DCC: variants seen among roughly 807,000 people sequenced by gnomAD.
DCC encodes the protein DCC netrin 1 receptor, also known as netrin receptor DCC.
Under a neutral mutation model 172.5 loss-of-function variants are expected in DCC, and 58 were observed. The ratio of observed to expected loss-of-function variants is 0.34; its 90% CI spans 0.27 to 0.42. The LOEUF (loss-of-function observed/expected upper bound fraction) is 0.42. Among genes scored for constraint, DCC ranks in the 10% least tolerant of loss-of-function variants. The pLI is 1.00. For synonymous variants in DCC, 709 were observed against 644.5 expected (o/e 1.10, Z -1.52); for missense variants, 1,740 against 1,791.0 (o/e 0.97, Z 0.51).
intron 7 of DCC, among the ~76,000 whole-genome samples, chr18:53,090,732 A>AAAAAAAAAAAAAAAAAAAAAAAAAAAT (rs1568298492): frequency 5.4e-5 from 7 of 129,152 alleles, no homozygotes; most frequent in Non-Finnish European, 1.2e-4. Context: ...AAAAAAAAAA[A>AAAAAAAAAAAAAAAAAAAAAAAAAAAT]AAGAATGTAT....
intron 27 of DCC, among the ~76,000 whole-genome samples, chr18:53,511,333 C>T (rs1472380892): frequency 6.6e-6 from 1 of 152,204 alleles, no homozygotes; most frequent in Non-Finnish European, 1.5e-5. Flanking sequence ...CAAGAATATT[C>T]GACCTGCTAG....
chr18:53,216,460 A>G (rs2055851471), intron 12 of DCC, among the ~76,000 whole-genome samples: 1 of 152,184 alleles, frequency 6.6e-6, no homozygotes. Context: ...CTCTTTTCAT[A>G]ACTATTTGGT....
At chr18:52,970,391 C>T (rs191666241) in intron 5 of DCC, among the ~76,000 whole-genome samples, 5 of 151,924 alleles carry the variant, frequency 3.3e-5, no homozygotes, top group Non-Finnish European at 7.4e-5. Flanking sequence ...AGTGGAGAAG[C>T]CTATTTTCAG....
intron 12 of DCC, among the ~76,000 whole-genome samples, chr18:53,265,845 C>T (rs1191817687): frequency 6.6e-6 from 1 of 152,184 alleles, no homozygotes; most frequent in Non-Finnish European, 1.5e-5. Context: ...CTACTATCCC[C>T]TGAAGTTTAC....
intron 1 of DCC, among the ~76,000 whole-genome samples, chr18:52,355,897 A>C (rs1984341027): frequency 6.6e-6 from 1 of 152,100 alleles, no homozygotes; most frequent in African/African-American, 2.4e-5. Flanking sequence ...TGGGGACCTT[A>C]CCCACATAGG....
chr18:52,436,581 T>C (rs1022527748), intron 1 of DCC, among the ~76,000 whole-genome samples: 2 of 152,196 alleles, frequency 1.3e-5, no homozygotes, highest in African/African-American at 4.8e-5. Context: ...CATTAAAATA[T>C]GGAATATTCT....
intron 15 of DCC, among the ~76,000 whole-genome samples, chr18:53,363,678 C>T (rs2057972724): frequency 6.6e-6 from 1 of 152,156 alleles, no homozygotes; most frequent in Admixed American, 6.6e-5. Flanking sequence ...GATAAATTCC[C>T]TACCTCAGCT....
At chr18:52,651,205 C>G (rs778630182) in intron 1 of DCC, among the ~76,000 whole-genome samples, 25 of 152,062 alleles carry the variant, frequency 1.6e-4, no homozygotes, top group Non-Finnish European at 3.4e-4. Flanking sequence ...CTCTGTTGGC[C>G]AAGCTGGAGT....
At chr18:52,838,165 C>G (rs1440803929) in intron 2 of DCC, among the ~76,000 whole-genome samples, 1 of 138,648 alleles carries the variant, frequency 7.2e-6, no homozygotes, top group East Asian at 2.0e-4. Flanking sequence ...TGTTCATCTA[C>G]AATTTTGAAG....
At chr18:53,167,384 A>T (rs546610900) in intron 8 of DCC, among the ~76,000 whole-genome samples, 1 of 152,158 alleles carries the variant, frequency 6.6e-6, no homozygotes, top group Non-Finnish European at 1.5e-5. Flanking sequence ...TTTATTCCTA[A>T]TGAAGAGTAT....
At chr18:52,842,157 GC>G (rs1793348327) in intron 2 of DCC, among the ~76,000 whole-genome samples, 1 of 152,060 alleles carries the variant, frequency 6.6e-6, no homozygotes, top group Non-Finnish European at 1.5e-5. Flanking sequence ...AAATACCATT[GC>G]TTCCTTTCAA....
chr18:53,381,752 A>G (rs961426917), intron 15 of DCC, among the ~76,000 whole-genome samples: 23 of 152,164 alleles, frequency 1.5e-4, no homozygotes, highest in African/African-American at 5.3e-4. Context: ...GCTTGGATTC[A>G]GTCCAGAGAG....
intron 25 of DCC, among the ~76,000 whole-genome samples, chr18:53,470,487 A>G (rs149955953): frequency 5.1e-4 from 78 of 152,236 alleles, no homozygotes; most frequent in African/African-American, 1.8e-3. Flanking sequence ...TTCCAAAGTC[A>G]CATCCACATT....
At chr18:53,496,590 A>G (rs1355371186) in intron 26 of DCC, among the ~76,000 whole-genome samples, 1 of 152,192 alleles carries the variant, frequency 6.6e-6, no homozygotes, top group African/African-American at 2.4e-5. Flanking sequence ...CATGGGAACA[A>G]AACTGGACAG....
chr18:52,381,390 A>G (rs1985577977), intron 1 of DCC, among the ~76,000 whole-genome samples: 2 of 152,228 alleles, frequency 1.3e-5, no homozygotes, highest in South Asian at 4.1e-4. Context: ...CAAATAATAC[A>G]CTATTTCTAA....
At chr18:52,776,024 C>A (rs11082944) in intron 2 of DCC, among the ~76,000 whole-genome samples, 86,891 of 152,024 alleles carry the variant, frequency 0.57, 28,184 homozygotes, top group East Asian at 0.86. Flanking sequence ...CACACTACAG[C>A]AGAGTTGGAT....
intron 1 of DCC, among the ~76,000 whole-genome samples, chr18:52,732,351 C>T (rs998942793): frequency 6.6e-6 from 1 of 152,116 alleles, no homozygotes; most frequent in Non-Finnish European, 1.5e-5. Context: ...GTAAAGAATT[C>T]TAAAATAATC....
chr18:53,456,483 C>T (rs1292838961), intron 23 of DCC, among the ~76,000 whole-genome samples: 1 of 152,040 alleles, frequency 6.6e-6, no homozygotes, highest in East Asian at 1.9e-4. Context: ...GCAGAGGGGC[C>T]AAACATGAAA....
chr18:52,943,088 T>A (rs538419622), intron 5 of DCC, among the ~76,000 whole-genome samples: 2 of 152,180 alleles, frequency 1.3e-5, no homozygotes, highest in Admixed American at 6.5e-5. Context: ...ACCATTTTGA[T>A]GTTTGTTTGT....
Sources: gnomAD v4.1 joint callset for allele counts (sites outside exome capture counted in the v4.1 genomes callset) on GRCh38, gnomAD v4.1.1 for gene constraint, MANE v1.5 for transcripts, NCBI Gene and HGNC (gene_info 2026-07-23, HGNC 2026-07-21) for gene names.